Variants in RAB33B observed in about 807,000 individuals in gnomAD.
RAB33B encodes ras-related protein Rab-33B.
A neutral mutation model predicts 15.0 loss-of-function variants in RAB33B; 6 were observed. The observed-to-expected ratio is 0.40, with a 90% CI of 0.22 to 0.79. RAB33B has a LOEUF of 0.79. RAB33B is among the 30% of genes least tolerant of loss of function. The pLI is 0.37. For missense variants in RAB33B, 257 were observed against 296.4 expected (o/e 0.87, Z 0.98); for synonymous variants, 117 against 108.3 (o/e 1.08, Z -0.50).
intron 1 of RAB33B, among the ~76,000 whole-genome samples, chr4:139,467,995 A>G (rs1259772894): frequency 1.5e-5 from 2 of 133,860 alleles, no homozygotes; most frequent in Non-Finnish European, 3.2e-5. Flanking sequence ...AACCATCCCC[A>G]TCTCCCCTAC....
chr4:139,459,384 C>T (rs1750126638), intron 1 of RAB33B, among the ~76,000 whole-genome samples: 1 of 152,022 alleles, frequency 6.6e-6, no homozygotes, highest in Non-Finnish European at 1.5e-5. Context: ...TCTAGTAAGC[C>T]ATGATCACAC....
chr4:139,454,519 G>C (rs1579172107), intron 1 of RAB33B, 75 bp downstream of exon 1: 1 of 1,498,092 alleles, frequency 6.7e-7, no homozygotes, highest in East Asian at 2.3e-5. Context: ...GTCGCTGGCC[G>C]TGTGCACGGT....
chr4:139,456,509 TG>T (rs1379009227), intron 1 of RAB33B, among the ~76,000 whole-genome samples: 2 of 149,798 alleles, frequency 1.3e-5, no homozygotes, highest in Non-Finnish European at 2.9e-5. Context: ...GTGCTGGCAG[TG>T]ATAAATAAGA....
At chr4:139,463,654 C>T (rs1319650538) in intron 1 of RAB33B, among the ~76,000 whole-genome samples, 1 of 152,216 alleles carries the variant, frequency 6.6e-6, no homozygotes, top group Non-Finnish European at 1.5e-5. Context: ...CCATTCCACT[C>T]ATAGCTAAGC....
At position 139,472,775 on chromosome 4, in the gene RAB33B, G is replaced by A. The variant is rs750956843; in HGVS notation, c.339G>A (p.Val113=). 1 of 1,614,092 alleles carries A rather than the reference G, an allele frequency of 6.2e-7. No individual in the cohort carries two copies. Among genetic ancestry groups the A allele is most frequent in the East Asian group, 2.2e-5 (1 of 44,890 alleles). Residue 113 remains valine, a synonymous_variant, in exon 2 of 2, where the codon GTG becomes GTA. Coordinates refer to ENST00000305626, the MANE Select transcript of RAB33B (RefSeq NM_031296.3). ...GAAATGTACATGCTGTTGTCTTCGT[G>A]TATGATATGACCAACATGGCTAGTT... The part of the protein sequence containing the change: ...YYRNVHAVVF[V]YDMTNMASFH...
At chr4:139,454,592 A>C in intron 1 of RAB33B, 148 bp downstream of exon 1, 2 of 893,856 alleles carry the variant, frequency 2.2e-6, no homozygotes, top group South Asian at 1.8e-5. Flanking sequence ...GAAGGATTGC[A>C]ATACTGCAAA....
At chr4:139,445,982 A>G in the RAB33B span, among the ~76,000 whole-genome samples, 1 of 152,208 alleles carries the variant, frequency 6.6e-6, no homozygotes, top group African/African-American at 2.4e-5. Context: ...ACTATGTGTC[A>G]TCAAGTCACC....
At chr4:139,456,760 C>T (rs1750077768) in intron 1 of RAB33B, among the ~76,000 whole-genome samples, 1 of 152,200 alleles carries the variant, frequency 6.6e-6, no homozygotes, top group African/African-American at 2.4e-5. Context: ...CAGACATGTT[C>T]TGAGGTTTCT....
chr4:139,446,451 C>A, the RAB33B span, among the ~76,000 whole-genome samples: 1 of 152,056 alleles, frequency 6.6e-6, no homozygotes, highest in Non-Finnish European at 1.5e-5. Flanking sequence ...GCCAGATGTG[C>A]GATTATATAC....
At chr4:139,441,525 T>C in the RAB33B span, among the ~76,000 whole-genome samples, 2 of 152,214 alleles carry the variant, frequency 1.3e-5, no homozygotes, top group Non-Finnish European at 2.9e-5. Context: ...CAAGTCTTCC[T>C]CTGGAAGCTG....
intron 1 of RAB33B, among the ~76,000 whole-genome samples, chr4:139,465,916 C>T (rs924950749): frequency 4.7e-5 from 7 of 150,524 alleles, no homozygotes; most frequent in Non-Finnish European, 7.4e-5. Flanking sequence ...TTTTAAGAGA[C>T]GAGGTCTCAC....
At chr4:139,469,727 C>T (rs1750355006) in intron 1 of RAB33B, among the ~76,000 whole-genome samples, 1 of 152,232 alleles carries the variant, frequency 6.6e-6, no homozygotes, top group Non-Finnish European at 1.5e-5. Context: ...CCCAGTAACA[C>T]TGTGGTTCTT....
intron 1 of RAB33B, among the ~76,000 whole-genome samples, chr4:139,465,282 G>A (rs1366291139): frequency 6.6e-6 from 1 of 152,170 alleles, no homozygotes; most frequent in African/African-American, 2.4e-5. Flanking sequence ...GTAGATTCTG[G>A]ATATTAGCCC....
At position 139,475,849 on chromosome 4, in the gene RAB33B, G is replaced by A. The variant is rs1259849315; in HGVS notation, c.*2723G>A. The A allele has an allele frequency of 1.3e-5, 2 of 152,136 alleles. No individual in the cohort carries two copies. Among genetic ancestry groups the A allele is most frequent in the Non-Finnish European group, 2.9e-5 (2 of 68,018 alleles). 9.4% of individuals were successfully genotyped at this position (152,136 alleles called of 1,614,324 possible). ...TTCCTCATGAAATCTAAGTAATTTTGTTGTGGAATAGTGTCACTGTTACAT... is the reference window on the plus strand; with the variant it reads ...TTCCTCATGAAATCTAAGTAATTTTATTGTGGAATAGTGTCACTGTTACAT... On this transcript the variant is annotated 3_prime_UTR_variant, in exon 2 of 2. Coordinates refer to ENST00000305626, the MANE Select transcript of RAB33B (RefSeq NM_031296.3).
chr4:139,470,530 C>T (rs755801855), intron 1 of RAB33B, among the ~76,000 whole-genome samples: 32 of 152,348 alleles, frequency 2.1e-4, no homozygotes, highest in Middle Eastern at 3.4e-3. Context: ...CAAAGGCCCC[C>T]CTGTGGCCAT....
chr4:139,463,106 C>G (rs1338936945), intron 1 of RAB33B, among the ~76,000 whole-genome samples: 1 of 152,188 alleles, frequency 6.6e-6, no homozygotes, highest in Non-Finnish European at 1.5e-5. Flanking sequence ...GTGGAGGTTG[C>G]AGTGAGCCAA....
At chr4:139,466,380 A>C (rs1465134466) in intron 1 of RAB33B, among the ~76,000 whole-genome samples, 2 of 152,144 alleles carry the variant, frequency 1.3e-5, no homozygotes, top group African/African-American at 4.8e-5. Context: ...TATCTTGTGA[A>C]TATAATTTGC....
intron 1 of RAB33B, among the ~76,000 whole-genome samples, chr4:139,456,854 T>G (rs567718184): frequency 6.6e-6 from 1 of 152,304 alleles, no homozygotes; most frequent in African/African-American, 2.4e-5. Context: ...TTTCGAAAAC[T>G]GAAAAGTGAT....
chr4:139,469,574 G>T (rs1167930767), intron 1 of RAB33B, among the ~76,000 whole-genome samples: 1 of 152,172 alleles, frequency 6.6e-6, no homozygotes, highest in African/African-American at 2.4e-5. Flanking sequence ...TTCTGTGTAT[G>T]GACATTGAAG....
Sources: gnomAD v4.1 joint callset for allele counts (sites outside exome capture counted in the v4.1 genomes callset) on GRCh38, gnomAD v4.1.1 for gene constraint, MANE v1.5 for transcripts, NCBI Gene and HGNC (gene_info 2026-07-23, HGNC 2026-07-21) for gene names.